PRKCQ: variants seen among roughly 807,000 people sequenced by gnomAD.
PRKCQ encodes protein kinase C theta, also known as protein kinase C theta type.
In PRKCQ, 41 loss-of-function variants were observed where a neutral mutation model predicts 91.2. That is an observed-to-expected ratio of 0.45 (90% CI 0.35 to 0.58). PRKCQ has a LOEUF of 0.58. Among genes scored for constraint, PRKCQ ranks in the 20% least tolerant of loss-of-function variants. The pLI is 0.00. For missense variants in PRKCQ, 673 were observed against 896.5 expected, an observed-to-expected ratio of 0.75 and a Z score of 3.18; for synonymous variants, 307 against 316.9, an observed-to-expected ratio of 0.97 and a Z score of 0.33.
chr10:6,399,078 C>T, the PRKCQ span, among the ~76,000 whole-genome samples: 83 of 152,242 alleles, frequency 5.5e-4, 1 homozygote, highest in Middle Eastern at 0.02. Flanking sequence ...ATGGCTGAGC[C>T]ACTGCACCCA....
chr10:6,401,091 A>C, the PRKCQ span, among the ~76,000 whole-genome samples: 1 of 152,208 alleles, frequency 6.6e-6, no homozygotes, highest in Non-Finnish European at 1.5e-5. Flanking sequence ...ACCGAGTAGC[A>C]CCAGAAATAA....
intron 1 of PRKCQ, among the ~76,000 whole-genome samples, chr10:6,535,025 TGTTCCCATTATAAAGA>T (rs1384745904): frequency 6.6e-6 from 1 of 152,188 alleles, no homozygotes; most frequent in African/African-American, 2.4e-5. Flanking sequence ...TAGGATGAAT[TGTTCCCATTATAAAGA>T]AGGGAAAAAT....
chr10:6,431,018 C>A, intron 16 of PRKCQ, 80 bp from the exon 17 acceptor site: 1 of 1,511,064 alleles, frequency 6.6e-7, no homozygotes. Flanking sequence ...CTTCCTGGTG[C>A]ACCAGCCCCT....
chr10:6,571,531 T>G (rs796982114), intron 1 of PRKCQ, among the ~76,000 whole-genome samples: 1 of 151,936 alleles, frequency 6.6e-6, no homozygotes, highest in South Asian at 2.1e-4. Context: ...CCTTGATAGG[T>G]GGGGTGGCTC....
chr10:6,396,020 AG>A, the PRKCQ span, among the ~76,000 whole-genome samples: 5 of 152,166 alleles, frequency 3.3e-5, no homozygotes, highest in African/African-American at 1.2e-4. Context: ...TCCTAGCTCC[AG>A]GGACTGAAAA....
intron 4 of PRKCQ, 48 bp from the exon 5 acceptor site, chr10:6,498,606 C>T: frequency 1.3e-6 from 2 of 1,584,834 alleles, no homozygotes; most frequent in Non-Finnish European, 1.7e-6. Flanking sequence ...AAAAGGACGA[C>T]TCCTATTCTA....
chr10:6,473,549 A>T (rs1836107256), intron 12 of PRKCQ, among the ~76,000 whole-genome samples: 2 of 152,268 alleles, frequency 1.3e-5, no homozygotes, highest in South Asian at 4.1e-4. Flanking sequence ...AGAGGACGTT[A>T]AAGAAAAGAG....
rs566039519 is a variant in PRKCQ, at chr10:6,528,515, T to G, written c.-9-13371A>C. 1.8e-4 allele frequency among the ~76,000 whole-genome samples: 27 copies of G among 152,264 alleles called. No homozygotes were observed. The South Asian group carries it at 4.4e-3, about 25-fold the overall frequency. On this transcript the variant is annotated intron_variant, in intron 1 of 17. Transcript: ENST00000263125. ...CTTATTTGCCTGAACGTTTTAGCCA[T>G]CTCCATCGATCTGGCCTTTGTTATA... is the stretch of plus-strand genomic sequence containing the variant.
In PRKCQ at chr10:6,487,061, G is replaced by A. The variant is rs542521111; in HGVS notation, c.791-917C>T. On this transcript the variant is annotated intron_variant, in intron 8 of 17. Coordinates refer to ENST00000263125, the MANE Select transcript of PRKCQ (RefSeq NM_006257.5). Reference sequence around the variant, plus strand: ...CACAGGCTTCACCAGTGTGGGCTTAGATGAGGAGGCCAACAGCAACCGGGT... The same window carrying A: ...CACAGGCTTCACCAGTGTGGGCTTAAATGAGGAGGCCAACAGCAACCGGGT... 5.3e-5 allele frequency among the ~76,000 whole-genome samples: 8 copies of A among 152,300 alleles called. No individual in the cohort carries two copies. The South Asian group carries it at 1.7e-3, about 32-fold the overall frequency.
At chr10:6,559,555 C>T (rs568349666) in intron 1 of PRKCQ, among the ~76,000 whole-genome samples, 9 of 152,098 alleles carry the variant, frequency 5.9e-5, no homozygotes, top group Non-Finnish European at 1.3e-4. Context: ...GATGGGATTT[C>T]GCCAAGTTGG....
At chr10:6,520,980 C>A (rs1338906337) in intron 1 of PRKCQ, among the ~76,000 whole-genome samples, 1 of 152,154 alleles carries the variant, frequency 6.6e-6, no homozygotes, top group African/African-American at 2.4e-5. Context: ...CATTTGGGTG[C>A]CTTACTTCCC....
rs374904055 is a variant in PRKCQ, at chr10:6,476,302, T to C, written c.1353+2690A>G. ...TCCCCGTAAGACATGAAAACTGTCA[T>C]ACATGCAAATCAAAAAAAAAAAAAA... On this transcript the variant is annotated intron_variant, in intron 12 of 17. Transcript: ENST00000263125. 6.9e-5 allele frequency among the ~76,000 whole-genome samples: 7 copies of C among 101,980 alleles called. No homozygotes were observed. In the South Asian group the frequency reaches 8.7e-4, roughly 13 times the overall value. The allele number at this position is 101,980 out of a possible 152,430, so 66.9% of individuals were successfully genotyped here.
intron 2 of PRKCQ, among the ~76,000 whole-genome samples, chr10:6,513,447 C>CAAAAAAAA (rs58606251): frequency 1.9e-5 from 2 of 105,562 alleles, no homozygotes; most frequent in African/African-American, 8.2e-5. Context: ...AGGCCAAATG[C>CAAAAAAAA]AAAAAAAAAA....
At chr10:6,420,771 T>C in the PRKCQ span, among the ~76,000 whole-genome samples, 1 of 152,256 alleles carries the variant, frequency 6.6e-6, no homozygotes, top group Non-Finnish European at 1.5e-5. Context: ...TGATCCACTG[T>C]GTGTGGCCTC....
chr10:6,490,411 T>C (rs1350298261), intron 8 of PRKCQ, among the ~76,000 whole-genome samples: 2 of 151,706 alleles, frequency 1.3e-5, no homozygotes, highest in Non-Finnish European at 2.9e-5. Flanking sequence ...GGCTTATATA[T>C]TTAATACTTC....
intron 4 of PRKCQ, among the ~76,000 whole-genome samples, chr10:6,504,191 T>G (rs1476743029): frequency 1.3e-5 from 2 of 152,232 alleles, no homozygotes; most frequent in African/African-American, 2.4e-5. Flanking sequence ...TTTTAGATTG[T>G]TCCTTTTATT....
intron 1 of PRKCQ, among the ~76,000 whole-genome samples, chr10:6,566,714 G>A (rs1366803250): frequency 6.6e-6 from 1 of 152,010 alleles, no homozygotes; most frequent in Admixed American, 6.6e-5. Context: ...GAAAACAGAA[G>A]AACAGAAAGA....
chr10:6,569,311 C>T (rs771466263), intron 1 of PRKCQ, among the ~76,000 whole-genome samples: 1 of 151,948 alleles, frequency 6.6e-6, no homozygotes, highest in Non-Finnish European at 1.5e-5. Context: ...CAAGAGACAT[C>T]TTGGGAGCTG....
At chr10:6,424,673 A>G (rs1942758811), downstream of PRKCQ, among the ~76,000 whole-genome samples, 2 of 152,202 alleles carry the variant, frequency 1.3e-5, no homozygotes, top group South Asian at 2.1e-4. Flanking sequence ...CAGTTTTATG[A>G]TGTAACAAAG....
Sources: gnomAD v4.1 joint callset for allele counts (sites outside exome capture counted in the v4.1 genomes callset) on GRCh38, gnomAD v4.1.1 for gene constraint, MANE v1.5 for transcripts, NCBI Gene and HGNC (gene_info 2026-07-23, HGNC 2026-07-21) for gene names.